Variants in PAK5 observed in about 807,000 individuals in gnomAD.
PAK5 encodes the protein p21 (RAC1) activated kinase 5.
In PAK5, 16 loss-of-function variants were observed where a neutral mutation model predicts 65.9. The ratio of observed to expected loss-of-function variants is 0.24; its 90% CI spans 0.16 to 0.37. The LOEUF is 0.37. Among genes scored for constraint, PAK5 ranks in the 10% least tolerant of loss-of-function variants. The pLI is 1.00. For missense variants in PAK5, 785 were observed against 903.9 expected, an observed-to-expected ratio of 0.87 and a Z score of 1.69; for synonymous variants, 371 against 354.9, an observed-to-expected ratio of 1.05 and a Z score of -0.51.
At chr20:9,796,665 G>A (rs563077091) in intron 1 of PAK5, among the ~76,000 whole-genome samples, 2 of 152,114 alleles carry the variant, frequency 1.3e-5, no homozygotes, top group Non-Finnish European at 2.9e-5. Flanking sequence ...AAGGAAAGTT[G>A]TTGGGGTTAT....
At chr20:9,807,787 A>AATG (rs2049251508) in intron 1 of PAK5, among the ~76,000 whole-genome samples, 1 of 150,150 alleles carries the variant, frequency 6.7e-6, no homozygotes, top group African/African-American at 2.4e-5. Context: ...TAATAATAAT[A>AATG]ATAAATCCAG....
In PAK5 at chr20:9,838,892, G is replaced by C. The variant is rs1025412168; in HGVS notation, c.-292C>G. On this transcript the variant is annotated 5_prime_UTR_variant, in exon 1 of 10. Coordinates refer to ENST00000353224, the MANE Select transcript of PAK5 (RefSeq NM_177990.4). This position sits in a 1 kb window ranked among gnomAD's most constrained non-coding sequence, Gnocchi z 4.5. ...TACTACTGGCTGGGTAGGGGCAAGG[G>C]GGGCGGGGGCCAGCGGGAGGGGGTG... 6.6e-6 allele frequency: 1 copy of C among 152,434 alleles called. No individual in the cohort carries two copies. Among genetic ancestry groups the C allele is most frequent in the Non-Finnish European group, 1.5e-5 (1 of 68,218 alleles). The allele number at this position is 152,434 out of a possible 1,614,324, so 9.4% of individuals were successfully genotyped here.
intron 1 of PAK5, among the ~76,000 whole-genome samples, chr20:9,728,256 G>A (rs1292341949): frequency 6.6e-6 from 1 of 151,958 alleles, no homozygotes; most frequent in Non-Finnish European, 1.5e-5. Flanking sequence ...GAACCTGGTG[G>A]TGCTTTGATC....
chr20:9,703,321 A>G (rs1363902146), intron 2 of PAK5, among the ~76,000 whole-genome samples: 1 of 152,232 alleles, frequency 6.6e-6, no homozygotes, highest in Non-Finnish European at 1.5e-5. Context: ...CCTGATAACA[A>G]CTACTTAAGC....
chr20:9,695,286 G>A (rs183678935), intron 2 of PAK5, among the ~76,000 whole-genome samples: 15 of 152,050 alleles, frequency 9.9e-5, no homozygotes, highest in Non-Finnish European at 1.5e-4. Flanking sequence ...TCGAACAAAC[G>A]TACTGAAATG....
At chr20:9,653,021 T>A (rs2047221240) in intron 2 of PAK5, among the ~76,000 whole-genome samples, 1 of 152,182 alleles carries the variant, frequency 6.6e-6, no homozygotes, top group Non-Finnish European at 1.5e-5. Context: ...ACCCTCAACA[T>A]CATCAGACCT....
rs1369133982 is a variant in PAK5, at chr20:9,580,680, T to C, written c.455A>G (p.Tyr152Cys). Reference sequence around the variant, plus strand: ...ATAATACGGATCCAGATCATCTCCATAGAGACTCTTCTCCCTGTACTTTTC... The same window carrying C: ...ATAATACGGATCCAGATCATCTCCACAGAGACTCTTCTCCCTGTACTTTTC... The part of the protein sequence containing the change: ...TTEKYREKSL[Y>C]GDDLDPYYRG... The change falls in exon 4 of 10, where the codon TAT becomes TGT. Residue 152 changes from tyrosine to cysteine, a missense_variant. Physicochemically the swap from Tyr to Cys is radical, Grantham distance 194. Coordinates refer to ENST00000353224, the MANE Select transcript of PAK5 (RefSeq NM_177990.4). The C allele has an allele frequency of 3.7e-6, 6 of 1,613,944 alleles. No individual in the cohort carries two copies. Among genetic ancestry groups the C allele is most frequent in the African/African-American group, 1.3e-5 (1 of 74,892 alleles).
intron 1 of PAK5, among the ~76,000 whole-genome samples, chr20:9,736,329 AC>A: frequency 6.6e-6 from 1 of 152,218 alleles, no homozygotes; most frequent in Non-Finnish European, 1.5e-5. Flanking sequence ...TGAAGAGGAT[AC>A]AAAGGAAGGG....
intron 1 of PAK5, among the ~76,000 whole-genome samples, chr20:9,831,034 C>T (rs769469090): frequency 6.6e-6 from 1 of 152,254 alleles, no homozygotes; most frequent in Admixed American, 6.5e-5. Flanking sequence ...GGCACCCCCC[C>T]TCCTATCCCA....
At chr20:9,631,875 T>C (rs1160739092) in intron 3 of PAK5, among the ~76,000 whole-genome samples, 1 of 152,202 alleles carries the variant, frequency 6.6e-6, no homozygotes, top group Non-Finnish European at 1.5e-5. Flanking sequence ...AAGTGATAGA[T>C]TTATCATCAG....
chr20:9,782,772 A>G (rs2048954171), intron 1 of PAK5, among the ~76,000 whole-genome samples: 1 of 152,192 alleles, frequency 6.6e-6, no homozygotes, highest in Admixed American at 6.5e-5. Flanking sequence ...AGTCTGACAA[A>G]GAATCAGAAA....
chr20:9,619,101 T>TTAGTAGA (rs1196619714), intron 3 of PAK5, among the ~76,000 whole-genome samples: 1 of 151,782 alleles, frequency 6.6e-6, no homozygotes, highest in Non-Finnish European at 1.5e-5. Flanking sequence ...TTTTGTATTT[T>TTAGTAGA]TAGTAGAAAC....
At chr20:9,561,385 A>G (rs1023847552) in intron 6 of PAK5, among the ~76,000 whole-genome samples, 1 of 152,176 alleles carries the variant, frequency 6.6e-6, no homozygotes. Flanking sequence ...TATATGTGAA[A>G]AGCAAAAAAT....
chr20:9,673,813 C>T lies in PAK5; in HGVS notation c.-11-29474G>A, dbSNP rs994545087. Among the ~76,000 whole-genome samples the T allele has an allele frequency of 3.3e-5, 5 of 152,142 alleles. No homozygotes were observed. In the East Asian group the frequency reaches 5.8e-4, roughly 18 times the overall value. On this transcript the variant is annotated intron_variant, in intron 2 of 9. Transcript: ENST00000353224. ...AATTTTCCCTTGCCCACAATCCTAC[C>T]GCATGGAAGCCTAATTGTTGTAGAC...
At chr20:9,579,267 T>A (rs2045938320) in intron 4 of PAK5, among the ~76,000 whole-genome samples, 1 of 152,140 alleles carries the variant, frequency 6.6e-6, no homozygotes, top group Non-Finnish European at 1.5e-5. Flanking sequence ...TTCCACACCC[T>A]ACGGTCCATG....
intron 1 of PAK5, among the ~76,000 whole-genome samples, chr20:9,736,212 T>C (rs1379262533): frequency 6.6e-6 from 1 of 151,960 alleles, no homozygotes; most frequent in Non-Finnish European, 1.5e-5. Context: ...ATAGAAACAA[T>C]TTAAAATGAA....
chr20:9,641,779 G>A lies in PAK5; in HGVS notation c.204+2346C>T, dbSNP rs138771041. On this transcript the variant is annotated intron_variant, in intron 3 of 9. Coordinates refer to ENST00000353224, the MANE Select transcript of PAK5 (RefSeq NM_177990.4). ...CGGCGAGAAATCGAGCACAGCGCCG[G>A]TGGGCCGGCACTGCTGGGGGACTCA... Among the ~76,000 whole-genome samples the A allele has an allele frequency of 1.1e-3, 171 of 152,282 alleles. 1 individual carries two copies. The highest frequency in any genetic ancestry group is 3.6e-3 in the African/African-American group (150 of 41,582).
At chr20:9,707,882 G>A (rs1165678232) in intron 2 of PAK5, among the ~76,000 whole-genome samples, 1 of 152,140 alleles carries the variant, frequency 6.6e-6, no homozygotes, top group East Asian at 1.9e-4. Flanking sequence ...GCCAAGCTTA[G>A]TCCAAATCAG....
At chr20:9,649,855 T>C (rs1460184465) in intron 2 of PAK5, among the ~76,000 whole-genome samples, 1 of 152,038 alleles carries the variant, frequency 6.6e-6, no homozygotes, top group Non-Finnish European at 1.5e-5. Flanking sequence ...CAGTAATTCA[T>C]ATTGTAAGGA....
Sources: gnomAD v4.1 joint callset for allele counts (sites outside exome capture counted in the v4.1 genomes callset) on GRCh38, gnomAD v4.1.1 for gene constraint, Gnocchi (gnomAD v3.1) non-coding constraint, MANE v1.5 for transcripts, NCBI Gene and HGNC (gene_info 2026-07-23, HGNC 2026-07-21) for gene names.